Variants in WDFY4 observed in about 807,000 individuals in gnomAD.
WDFY4 encodes WDFY family member 4.
In WDFY4, 169 loss-of-function variants were observed where a neutral mutation model predicts 351.9. That is an observed-to-expected ratio of 0.48 (90% CI 0.42 to 0.55). WDFY4 has a LOEUF of 0.55. WDFY4 is among the 20% of genes least tolerant of loss of function. The pLI, the probability that WDFY4 is intolerant of heterozygous loss-of-function variation, is 0.00. For missense variants in WDFY4, 3,803 were observed against 3,935.6 expected, an observed-to-expected ratio of 0.97 and a Z score of 0.90; for synonymous variants, 1,622 against 1,574.6, an observed-to-expected ratio of 1.03 and a Z score of -0.71.
At chr10:48,892,457 G>A (rs1836860453) in intron 44 of WDFY4, among the ~76,000 whole-genome samples, 1 of 152,176 alleles carries the variant, frequency 6.6e-6, no homozygotes, top group African/African-American at 2.4e-5. Flanking sequence ...CCCTGGAATT[G>A]CACTGGGGAA....
chr10:48,785,828 C>G (rs2066387430), intron 19 of WDFY4, among the ~76,000 whole-genome samples: 1 of 152,188 alleles, frequency 6.6e-6, no homozygotes, highest in African/African-American at 2.4e-5. Context: ...CTGTGCCTTC[C>G]CATATACATT....
intron 11 of WDFY4, among the ~76,000 whole-genome samples, chr10:48,741,172 G>T (rs968495212): frequency 6.6e-6 from 1 of 152,026 alleles, no homozygotes; most frequent in Non-Finnish European, 1.5e-5. Flanking sequence ...CTCCTCCTGT[G>T]TTCTCTGACC....
At chr10:48,704,924 A>T (rs2063584657) in intron 1 of WDFY4, among the ~76,000 whole-genome samples, 1 of 149,458 alleles carries the variant, frequency 6.7e-6, no homozygotes, top group African/African-American at 2.5e-5. Flanking sequence ...CCTAATAGTG[A>T]CCTGTGCCAA....
At chr10:48,822,223 G>A (rs2067848700) in intron 34 of WDFY4, among the ~76,000 whole-genome samples, 157 bp from the exon 35 acceptor site, 1 of 152,202 alleles carries the variant, frequency 6.6e-6, no homozygotes, top group Admixed American at 6.5e-5. Context: ...TTAAATGTGT[G>A]TGTGTTGGGC....
Position 48,828,136 on chromosome 10 carries a change from G to T in WDFY4, c.6222-642G>T, listed in dbSNP as rs192219275. 3.9e-5 allele frequency among the ~76,000 whole-genome samples: 6 copies of T among 152,250 alleles called. No individual in the cohort carries two copies. In the East Asian group the frequency reaches 1.2e-3, roughly 29 times the overall value. On this transcript the variant is annotated intron_variant, in intron 36 of 61. Transcript: ENST00000325239. ...TGAACATTTACTGAGTGTCTGTTTG[G>T]TTTGTGTCATAATGGCCACGTGGAC...
At chr10:48,922,146 C>A (rs573806785) in intron 47 of WDFY4, among the ~76,000 whole-genome samples, 24 of 152,064 alleles carry the variant, frequency 1.6e-4, no homozygotes, top group Non-Finnish European at 2.9e-4. Flanking sequence ...TTTTTAGTTC[C>A]CCAGATTGGA....
intron 12 of WDFY4, among the ~76,000 whole-genome samples, chr10:48,757,187 G>A (rs2132501063): frequency 2.0e-5 from 3 of 152,172 alleles, no homozygotes; most frequent in Admixed American, 2.0e-4. Flanking sequence ...ACCGTTTGAA[G>A]GTAGTTTATG....
rs549778187 is a variant in WDFY4, at chr10:48,774,732, G to A, written c.2768+60G>A. The stretch of plus-strand genomic sequence containing the variant: ...GGGCAGCCATGTCCTTTGCAGGGCA[G>A]GGGTTGCACAATGGGCAGTGGAGAG... On this transcript the variant is annotated intron_variant, in intron 14 of 61. Transcript: ENST00000325239. The A allele has an allele frequency of 2.4e-3, 3,625 of 1,539,698 alleles. 8 individuals carry two copies. Among genetic ancestry groups the A allele is most frequent in the Non-Finnish European group, 2.8e-3 (3,235 of 1,137,592 alleles).
intron 27 of WDFY4, among the ~76,000 whole-genome samples, chr10:48,807,014 C>T (rs191773066): frequency 5.9e-5 from 9 of 152,030 alleles, no homozygotes; most frequent in East Asian, 1.9e-4. Flanking sequence ...TAGATCAAGC[C>T]GCAAGAAATT....
At chr10:48,789,825 T>G (rs1207844843) in intron 21 of WDFY4, 49 bp from the exon 22 acceptor site, 13 of 1,538,896 alleles carry the variant, frequency 8.4e-6, no homozygotes, top group Middle Eastern at 1.7e-4. Flanking sequence ...GGACAATGCT[T>G]CTTCTTTTGC....
chr10:48,760,419 G>A lies in WDFY4; in HGVS notation c.2532G>A (p.Leu844=). Residue 844 remains leucine, a synonymous_variant, in exon 13 of 62, where the codon TTG becomes TTA. Transcript: ENST00000325239. Reference sequence around the variant, plus strand: ...TCATGGTGAGGCTGCTGCCTCGGTTGTACCATGAAGATCACCCACAGGTAC... The same window carrying A: ...TCATGGTGAGGCTGCTGCCTCGGTTATACCATGAAGATCACCCACAGGTAC... ...VCIMVRLLPR[L]YHEDHPQLSE... 3.2e-6 allele frequency: 5 copies of A among 1,551,660 alleles called. No individual in the cohort carries two copies. Among genetic ancestry groups the A allele is most frequent in the Non-Finnish European group, 4.4e-6 (5 of 1,146,994 alleles).
In WDFY4 at chr10:48,866,606, T is replaced by C. The variant is rs1032108518; in HGVS notation, c.6664-659T>C. On this transcript the variant is annotated intron_variant, in intron 39 of 61. Transcript: ENST00000325239. ...CCTCAGTGAATTCCTCTTCAGAATC[T>C]TGGCTCCTCAAATTCAGCTCTCTTG... 4.6e-5 allele frequency among the ~76,000 whole-genome samples: 7 copies of C among 152,206 alleles called. No homozygotes were observed. In the East Asian group the frequency reaches 1.3e-3, roughly 29 times the overall value.
intron 43 of WDFY4, chr10:48,884,364 A>T (rs2070372377): frequency 6.6e-6 from 1 of 152,154 alleles, no homozygotes; most frequent in Non-Finnish European, 1.5e-5. Flanking sequence ...AACACATGTC[A>T]TTCCTACTTA....
chr10:48,731,041 T>C, intron 8 of WDFY4, 69 bp from the exon 9 acceptor site: 1 of 1,428,206 alleles, frequency 7.0e-7, no homozygotes, highest in Non-Finnish European at 9.3e-7. Context: ...CTCTTAGTAA[T>C]GAAAACATCT....
intron 47 of WDFY4, among the ~76,000 whole-genome samples, chr10:48,912,757 A>G (rs1029559999): frequency 7.9e-5 from 12 of 152,282 alleles, no homozygotes; most frequent in Admixed American, 6.5e-4. Context: ...ATTCACAGCC[A>G]GTCAGAGGTC....
At chr10:48,966,761 A>G (rs1590011497) in intron 55 of WDFY4, 88 bp downstream of exon 55, 1 of 1,468,426 alleles carries the variant, frequency 6.8e-7, no homozygotes, top group East Asian at 2.5e-5. Context: ...AGCACCACAT[A>G]CCTGGGCAAA....
intron 47 of WDFY4, among the ~76,000 whole-genome samples, chr10:48,905,489 A>G (rs1837567578): frequency 6.6e-6 from 1 of 152,078 alleles, no homozygotes; most frequent in South Asian, 2.1e-4. Flanking sequence ...TTTTATTTCC[A>G]ATGTGATTAT....
intron 24 of WDFY4, among the ~76,000 whole-genome samples, chr10:48,801,340 A>G (rs963734003): frequency 1.3e-5 from 2 of 152,220 alleles, no homozygotes; most frequent in Non-Finnish European, 2.9e-5. Flanking sequence ...GAGAGGCTGG[A>G]ACTTTTGTGG....
chr10:48,939,359 G>A (rs1840623270), intron 47 of WDFY4, among the ~76,000 whole-genome samples: 1 of 152,210 alleles, frequency 6.6e-6, no homozygotes, highest in South Asian at 2.1e-4. Flanking sequence ...CCACACCCCT[G>A]TGTGACAGGT....
Sources: gnomAD v4.1 joint callset for allele counts (sites outside exome capture counted in the v4.1 genomes callset) on GRCh38, gnomAD v4.1.1 for gene constraint, MANE v1.5 for transcripts, NCBI Gene and HGNC (gene_info 2026-07-23, HGNC 2026-07-21) for gene names.